Variants in TSPAN9 observed in about 807,000 individuals in gnomAD.
The protein encoded by TSPAN9 is tetraspanin 9.
A neutral mutation model predicts 31.0 loss-of-function variants in TSPAN9; 16 were observed. That is an observed-to-expected ratio of 0.52 (90% CI 0.35 to 0.78). The LOEUF (loss-of-function observed/expected upper bound fraction) is 0.78, where lower values mean the gene tolerates loss of function less well. Among genes scored for constraint, TSPAN9 ranks in the 30% least tolerant of loss-of-function variants. The probability of loss-of-function intolerance (pLI) is 0.01; values close to 1 mark genes in which losing one functional copy is unlikely to be tolerated. For missense variants in TSPAN9, 272 were observed against 312.5 expected (o/e 0.87, Z 0.98); for synonymous variants, 145 against 121.6 (o/e 1.19, Z -1.27).
chr12:3,220,145 C>T (rs1383054992), intron 3 of TSPAN9, among the ~76,000 whole-genome samples: 1 of 137,348 alleles, frequency 7.3e-6, no homozygotes. Context: ...AACTCTGTCT[C>T]AAAAAAAAAA....
intron 2 of TSPAN9, among the ~76,000 whole-genome samples, chr12:3,116,306 C>T (rs1312668297): frequency 6.6e-6 from 1 of 152,136 alleles, no homozygotes; most frequent in Non-Finnish European, 1.5e-5. Context: ...GGACATTTGA[C>T]CTTAGCAAGC....
rs2098315290 is a variant in TSPAN9, at chr12:3,107,505, C to T, written c.-18+23786C>T. On this transcript the variant is annotated intron_variant, in intron 2 of 8. Transcript: ENST00000011898. This position sits in a 1 kb window ranked among gnomAD's most constrained non-coding sequence, Gnocchi z 4.1. ...ACAGGCTGGGGTGAGGAGAGAGGGA[C>T]CAAGGACAGCAGACCCCCAGTCCAG... Among the ~76,000 whole-genome samples, 1 of 152,102 alleles carries T rather than the reference C, an allele frequency of 6.6e-6. No individual in the cohort carries two copies. Among genetic ancestry groups the T allele is most frequent in the African/African-American group, 2.4e-5 (1 of 41,414 alleles).
intron 2 of TSPAN9, among the ~76,000 whole-genome samples, chr12:3,182,857 C>T (rs2098359163): frequency 6.6e-6 from 1 of 152,158 alleles, no homozygotes; most frequent in Admixed American, 6.5e-5. Flanking sequence ...TGAGCCAGGC[C>T]ACGCAGCCCT....
intron 2 of TSPAN9, among the ~76,000 whole-genome samples, chr12:3,145,830 C>A (rs1047564605): frequency 2.0e-5 from 3 of 152,224 alleles, no homozygotes; most frequent in African/African-American, 7.2e-5. Flanking sequence ...AAAGGCCTGG[C>A]GTGGTGGCCA....
At chr12:3,157,930 G>A (rs1465634228) in intron 2 of TSPAN9, among the ~76,000 whole-genome samples, 1 of 152,120 alleles carries the variant, frequency 6.6e-6, no homozygotes. Context: ...GAGCGAAAAC[G>A]CACCCGGGCT....
chr12:3,091,292 C>A (rs1268520045), intron 2 of TSPAN9, among the ~76,000 whole-genome samples: 1 of 152,236 alleles, frequency 6.6e-6, no homozygotes, highest in East Asian at 1.9e-4. Flanking sequence ...GATTCACAGA[C>A]TTCACTTTTC....
intron 3 of TSPAN9, among the ~76,000 whole-genome samples, chr12:3,248,513 C>G (rs941313014): frequency 6.6e-6 from 1 of 152,180 alleles, no homozygotes; most frequent in African/African-American, 2.4e-5. Flanking sequence ...ACCTGCCCAG[C>G]CTCTTGGTTT....
At chr12:3,205,718 G>GCCCC (rs60604328) in intron 3 of TSPAN9, among the ~76,000 whole-genome samples, 6 of 100,682 alleles carry the variant, frequency 6.0e-5, no homozygotes, top group Admixed American at 2.1e-4. Flanking sequence ...AGGCACTTAG[G>GCCCC]CCCCCCCCCC....
At chr12:3,247,731 A>C (rs933015917) in intron 3 of TSPAN9, among the ~76,000 whole-genome samples, 6 of 152,160 alleles carry the variant, frequency 3.9e-5, no homozygotes, top group African/African-American at 1.2e-4. Context: ...TGTCTAGCCC[A>C]GCCTCCTCTC....
At chr12:3,276,480 C>T (rs369177606) in intron 3 of TSPAN9, among the ~76,000 whole-genome samples, 17 of 152,206 alleles carry the variant, frequency 1.1e-4, no homozygotes, top group African/African-American at 3.6e-4. Flanking sequence ...CAGGCTCCTT[C>T]CCACTCCGGG....
chr12:3,183,253 A>G (rs1293680702), intron 2 of TSPAN9, among the ~76,000 whole-genome samples: 2 of 152,118 alleles, frequency 1.3e-5, no homozygotes, highest in Non-Finnish European at 2.9e-5. Flanking sequence ...CATCTGGAAT[A>G]TGGGCTTGGG....
At chr12:3,099,275 G>T (rs951031545) in intron 2 of TSPAN9, among the ~76,000 whole-genome samples, 2 of 152,034 alleles carry the variant, frequency 1.3e-5, no homozygotes, top group African/African-American at 2.4e-5. Flanking sequence ...GTCTTCAAGC[G>T]CACGGATCTT....
chr12:3,203,816 G>A (rs1353864902), intron 3 of TSPAN9, among the ~76,000 whole-genome samples: 3 of 152,178 alleles, frequency 2.0e-5, no homozygotes, highest in Non-Finnish European at 2.9e-5. Flanking sequence ...TGTGTTTATC[G>A]GGAGGTGGAG....
At chr12:3,195,913 A>G (rs2098366824) in intron 2 of TSPAN9, among the ~76,000 whole-genome samples, 1 of 152,140 alleles carries the variant, frequency 6.6e-6, no homozygotes, top group Admixed American at 6.5e-5. Flanking sequence ...TCTGCAAGGG[A>G]CAGCTCGGTG....
At chr12:3,220,922 G>T (rs1014518043) in intron 3 of TSPAN9, among the ~76,000 whole-genome samples, 3 of 152,160 alleles carry the variant, frequency 2.0e-5, no homozygotes, top group Non-Finnish European at 4.4e-5. Context: ...TGACTCTGGG[G>T]CCATCCTTCA....
At chr12:3,242,416 G>A (rs1200590083) in intron 3 of TSPAN9, among the ~76,000 whole-genome samples, 1 of 152,198 alleles carries the variant, frequency 6.6e-6, no homozygotes, top group Non-Finnish European at 1.5e-5. Context: ...CTAGCCAACA[G>A]CAAGCACAGC....
At chr12:3,096,602 A>G (rs575068076) in intron 2 of TSPAN9, among the ~76,000 whole-genome samples, 45 of 149,152 alleles carry the variant, frequency 3.0e-4, no homozygotes, top group Non-Finnish European at 4.5e-4. Context: ...CCATTTCCCC[A>G]GGACACTTAG....
intron 2 of TSPAN9, 71 bp from the exon 3 acceptor site, chr12:3,201,097 TAAGACCGAC>T (rs2098371287): frequency 1.5e-6 from 2 of 1,351,968 alleles, no homozygotes; most frequent in African/African-American, 2.9e-5. Context: ...AGGCCGGCGT[TAAGACCGAC>T]AAGTGCAATG....
intron 2 of TSPAN9, among the ~76,000 whole-genome samples, chr12:3,149,632 A>G (rs1392929707): frequency 6.6e-6 from 1 of 152,068 alleles, no homozygotes; most frequent in Non-Finnish European, 1.5e-5. Context: ...GGGGAGAGGC[A>G]CTTATTTTGT....
Sources: gnomAD v4.1 joint callset for allele counts (sites outside exome capture counted in the v4.1 genomes callset) on GRCh38, gnomAD v4.1.1 for gene constraint, Gnocchi (gnomAD v3.1) non-coding constraint, MANE v1.5 for transcripts, NCBI Gene and HGNC (gene_info 2026-07-23, HGNC 2026-07-21) for gene names.